HDAC7: variants seen among roughly 807,000 people sequenced by gnomAD.
The protein encoded by HDAC7 is histone deacetylase 7.
Under a neutral mutation model 115.5 loss-of-function variants are expected in HDAC7, and 26 were observed. The observed-to-expected ratio is 0.23, with a 90% CI of 0.16 to 0.31. The LOEUF is 0.31. Ranked by LOEUF, HDAC7 falls within the 10% of genes least tolerant of loss-of-function variation. The probability of loss-of-function intolerance (pLI) is 1.00; values close to 1 mark genes in which losing one functional copy is unlikely to be tolerated. For missense variants in HDAC7, 1,068 were observed against 1,329.0 expected (o/e 0.80, Z 3.05); for synonymous variants, 564 against 550.9 (o/e 1.02, Z -0.33).
chr12:47,802,567 T>C, intron 1 of HDAC7: 1 of 1,220,334 alleles, frequency 8.2e-7, no homozygotes, highest in Non-Finnish European at 1.2e-6. Flanking sequence ...CACCCAGCAG[T>C]GCCCTCAGCC....
Position 47,797,291 on chromosome 12 carries a change from G to GGGCCCC in HDAC7, c.577+92_577+93insGGGGCC. Reference sequence around the variant, plus strand: ...AGCCTACCGATGATCTCCTGGCCCAGCCCAGCCCGCCCACCCCTGCACACT... The same window carrying GGGCCCC: ...AGCCTACCGATGATCTCCTGGCCCAGGGCCCCCCCAGCCCGCCCACCCCTGCACACT... On this transcript the variant is annotated intron_variant, in intron 6 of 25. Coordinates refer to ENST00000080059, the MANE Select transcript of HDAC7 (RefSeq NM_015401.5). The surrounding 1 kb of genome is among the most constrained non-coding windows in gnomAD (Gnocchi z 5.5). 13 of 1,336,104 alleles carry GGGCCCC rather than the reference G, an allele frequency of 9.7e-6. No individual in the cohort carries two copies. The highest frequency in any genetic ancestry group is 1.3e-5 in the Non-Finnish European group (12 of 948,880). The allele number at this position is 1,336,104 out of a possible 1,614,324, so 82.8% of individuals were successfully genotyped here. A position where few individuals can be genotyped will look rare whatever the true frequency, so the allele number is the denominator to read the frequency against.
At position 47,791,389 on chromosome 12, in the gene HDAC7, G is replaced by A. The variant is rs1387605093; in HGVS notation, c.1934-81C>T. On this transcript the variant is annotated intron_variant, in intron 15 of 25. Coordinates refer to ENST00000080059, the MANE Select transcript of HDAC7 (RefSeq NM_015401.5). ...CAGGGAGCAGGGAGCCCAGAGAGCAGGGCCGGGTGAGTATTGGGGGAGAGA... is the reference window on the plus strand; with the variant it reads ...CAGGGAGCAGGGAGCCCAGAGAGCAAGGCCGGGTGAGTATTGGGGGAGAGA... 5.6e-6 allele frequency: 8 copies of A among 1,431,100 alleles called. No individual in the cohort carries two copies. The Admixed American group carries it at 1.6e-4, about 29-fold the overall frequency. The allele number at this position is 1,431,100 out of a possible 1,614,324, so 88.7% of individuals were successfully genotyped here.
At position 47,797,543 on chromosome 12, in the gene HDAC7, T is replaced by C; in HGVS notation, c.462-44A>G. On this transcript the variant is annotated intron_variant, in intron 5 of 25. Transcript: ENST00000080059. This position sits in a 1 kb window ranked among gnomAD's most constrained non-coding sequence, Gnocchi z 5.5. ...GGCTGCTTCAGAGGTGTGGGGACAC[T>C]GCACGGGCACTGCCCTGAGCACGGG... 6.9e-7 allele frequency: 1 copy of C among 1,458,054 alleles called. No individual in the cohort carries two copies. The highest frequency in any genetic ancestry group is 1.2e-5 in the South Asian group (1 of 81,232). The allele number at this position is 1,458,054 out of a possible 1,614,324, so 90.3% of individuals were successfully genotyped here.
intron 1 of HDAC7, among the ~76,000 whole-genome samples, chr12:47,815,385 G>C (rs919661682): frequency 6.6e-6 from 1 of 152,198 alleles, no homozygotes; most frequent in Non-Finnish European, 1.5e-5. Flanking sequence ...GGTCTTAGAA[G>C]CCTTGAGTTT....
intron 1 of HDAC7, among the ~76,000 whole-genome samples, chr12:47,812,523 T>A (rs1944710824): frequency 6.6e-6 from 1 of 152,208 alleles, no homozygotes; most frequent in African/African-American, 2.4e-5. Context: ...GAAACTGTAA[T>A]TATTTTCACA....
Position 47,797,429 on chromosome 12 carries a change from T to A in HDAC7, c.532A>T (p.Ser178Cys). ...TGCTCTGGGGGGTCACTGGGCAGGC[T>A]GGGAACAGGAGGCAAAAAGCTGCTG... ...MLSSFLPPVP[S>C]LPSDPPEHFP... The change falls in exon 6 of 26, where the codon AGC becomes TGC. Residue 178 changes from serine (S) to cysteine (C), a missense_variant. By Grantham distance (112) the Ser-to-Cys change is moderately radical (BLOSUM62 -1). This residue lies in a region of HDAC7 where 618 missense variants were observed against 701.5 expected (regional missense o/e 0.88). Transcript: ENST00000080059. The surrounding 1 kb of genome is among the most constrained non-coding windows in gnomAD (Gnocchi z 5.5). 1 of 1,614,102 alleles carries A rather than the reference T, an allele frequency of 6.2e-7. No homozygotes were observed. Among genetic ancestry groups the A allele is most frequent in the Non-Finnish European group, 8.5e-7 (1 of 1,180,004 alleles).
intron 16 of HDAC7, 55 bp from the exon 17 acceptor site, chr12:47,789,975 G>A (rs1241259807): frequency 7.4e-7 from 1 of 1,348,878 alleles, no homozygotes; most frequent in Non-Finnish European, 1.1e-6. Context: ...CAGGAGCCAG[G>A]GCCCAAGGGG....
chr12:47,821,253 C>T (rs895315664), upstream of HDAC7, among the ~76,000 whole-genome samples: 76 of 152,326 alleles, frequency 5.0e-4, no homozygotes, highest in Middle Eastern at 3.4e-3. Flanking sequence ...GCCATGCTGG[C>T]GGTGAACTTC....
Position 47,808,926 on chromosome 12 carries a change from T to C in HDAC7, c.20-6652A>G, listed in dbSNP as rs572918122. 9.8e-4 allele frequency among the ~76,000 whole-genome samples: 149 copies of C among 152,330 alleles called. 3 individuals carry two copies. The South Asian group carries it at 0.017, about 18-fold the overall frequency. On this transcript the variant is annotated intron_variant, in intron 1 of 25. Transcript: ENST00000080059. Reference sequence around the variant, plus strand: ...GCTCCAGTATCTCCAGTCCCTGAGATAGGAAGTTCACCATGATGTCTAACT... The same window carrying C: ...GCTCCAGTATCTCCAGTCCCTGAGACAGGAAGTTCACCATGATGTCTAACT...
At position 47,795,008 on chromosome 12, in the gene HDAC7, A is replaced by G; in HGVS notation, c.1285-75T>C. 1 of 1,467,120 alleles carries G rather than the reference A, an allele frequency of 6.8e-7. No individual in the cohort carries two copies. The highest frequency in any genetic ancestry group is 1.4e-5 in the African/African-American group (1 of 71,518). The allele number at this position is 1,467,120 out of a possible 1,614,324, so 90.9% of individuals were successfully genotyped here. ...GGGGTGGGAGGTGGTGGGCTGGGCCAGGCAGCCAGTCATCTTGCTAGGACT... is the reference window on the plus strand; with the variant it reads ...GGGGTGGGAGGTGGTGGGCTGGGCCGGGCAGCCAGTCATCTTGCTAGGACT... On this transcript the variant is annotated intron_variant, in intron 11 of 25. Transcript: ENST00000080059. The surrounding 1 kb of genome is among the most constrained non-coding windows in gnomAD (Gnocchi z 4.3).
intron 22 of HDAC7, 43 bp from the exon 23 acceptor site, chr12:47,785,928 A>G: frequency 1.3e-6 from 2 of 1,540,622 alleles, no homozygotes; most frequent in Non-Finnish European, 1.8e-6. Flanking sequence ...GGGAGTGGAG[A>G]GGTGACCCTG....
At chr12:47,821,317 T>C (rs1362267524), upstream of HDAC7, among the ~76,000 whole-genome samples, 1 of 152,190 alleles carries the variant, frequency 6.6e-6, no homozygotes, top group Non-Finnish European at 1.5e-5. Flanking sequence ...TCACTATCTG[T>C]TGCTACCGGC....
At chr12:47,800,665 T>A (rs60025549) in intron 2 of HDAC7, among the ~76,000 whole-genome samples, 7,149 of 152,306 alleles carry the variant, frequency 0.047, 279 homozygotes, top group African/African-American at 0.11. Flanking sequence ...CCATGTTCTG[T>A]GTCCTGGCTT....
At chr12:47,792,612 A>G (rs1312803959) in intron 13 of HDAC7, 3 of 455,700 alleles carry the variant, frequency 6.6e-6, no homozygotes, top group African/African-American at 6.0e-5. Flanking sequence ...TAGGACACCA[A>G]CGACTCTCAA....
In HDAC7 at chr12:47,795,139, C is replaced by T. The variant is rs368584383; in HGVS notation, c.1284+45G>A. 1.3e-4 allele frequency: 202 copies of T among 1,505,464 alleles called. No individual in the cohort carries two copies. Among genetic ancestry groups the T allele is most frequent in the Non-Finnish European group, 1.7e-4 (187 of 1,095,122 alleles). 93.3% of individuals were successfully genotyped at this position (1,505,464 alleles called of 1,614,324 possible). A position where few individuals can be genotyped will look rare whatever the true frequency, so the allele number is the denominator to read the frequency against. ...CCTCTTCTTTTGGCCCCTAAGTCCC[C>T]AGTTAAACACTCCCTCAATACCTCC... is the stretch of plus-strand genomic sequence containing the variant. On this transcript the variant is annotated intron_variant, in intron 11 of 25. Coordinates refer to ENST00000080059, the MANE Select transcript of HDAC7 (RefSeq NM_015401.5). The surrounding 1 kb of genome is among the most constrained non-coding windows in gnomAD (Gnocchi z 4.3).
intron 19 of HDAC7, chr12:47,788,909 G>T (rs1943320067): frequency 4.1e-6 from 1 of 242,132 alleles, no homozygotes; most frequent in Non-Finnish European, 8.1e-6. Context: ...GATGTGATTA[G>T]TGGTGTACTG....
intron 1 of HDAC7, among the ~76,000 whole-genome samples, chr12:47,812,689 G>A (rs1329675715): frequency 2.6e-5 from 4 of 152,120 alleles, no homozygotes; most frequent in African/African-American, 4.8e-5. Flanking sequence ...AGGGTCTAAG[G>A]CGATAATTAA....
chr12:47,787,392 G>A (rs1943230424), intron 21 of HDAC7, among the ~76,000 whole-genome samples: 1 of 152,098 alleles, frequency 6.6e-6, no homozygotes, highest in South Asian at 2.1e-4. Context: ...AAAAGTGTTT[G>A]AAGATCCATT....
At position 47,803,328 on chromosome 12, in the gene HDAC7, G is replaced by A. The variant is rs112381234; in HGVS notation, c.20-1054C>T. ...AAGGGATATTTTTTGAGAAACTGCC[G>A]GGGTGCTCCTTTGGGTCTGTGTCTC... is the stretch of plus-strand genomic sequence containing the variant. On this transcript the variant is annotated intron_variant, in intron 1 of 25. Coordinates refer to ENST00000080059, the MANE Select transcript of HDAC7 (RefSeq NM_015401.5). The surrounding 1 kb of genome is among the most constrained non-coding windows in gnomAD (Gnocchi z 4.0). Among the ~76,000 whole-genome samples the A allele has an allele frequency of 1.2e-4, 19 of 152,160 alleles. No homozygotes were observed. Among genetic ancestry groups the A allele is most frequent in the Non-Finnish European group, 2.4e-4 (16 of 68,042 alleles).
Sources: allele counts gnomAD v4.1 joint callset (sites outside exome capture counted in the v4.1 genomes callset), GRCh38; gene constraint gnomAD v4.1.1; regional missense constraint gnomAD v4.1.1; non-coding constraint Gnocchi (gnomAD v3.1); transcripts MANE v1.5; gene names NCBI Gene and HGNC (gene_info 2026-07-23, HGNC 2026-07-21).